SH3PXD2A: variants seen among roughly 807,000 people sequenced by gnomAD.
The protein encoded by SH3PXD2A is SH3 and PX domains 2A.
SH3PXD2A carries 32 observed loss-of-function variants against 115.2 expected under a neutral mutation model. That is an observed-to-expected ratio of 0.28 (90% CI 0.21 to 0.37). The LOEUF is 0.37. Among genes scored for constraint, SH3PXD2A ranks in the 10% least tolerant of loss-of-function variants. SH3PXD2A has a pLI of 1.00. For missense variants in SH3PXD2A, 1,328 were observed against 1,498.7 expected (o/e 0.89, Z 1.88); for synonymous variants, 610 against 629.1 (o/e 0.97, Z 0.45).
At chr10:103,774,667 T>A (rs2038861272) in intron 2 of SH3PXD2A, among the ~76,000 whole-genome samples, 1 of 152,224 alleles carries the variant, frequency 6.6e-6, no homozygotes, top group African/African-American at 2.4e-5. Context: ...TTGATTTTTG[T>A]TCTAGTAGCC....
At chr10:103,847,854 G>A (rs899934639) in intron 1 of SH3PXD2A, among the ~76,000 whole-genome samples, 26 of 152,072 alleles carry the variant, frequency 1.7e-4, no homozygotes, top group South Asian at 1.5e-3. Context: ...CACGAGAATC[G>A]CTTGAACCCG....
intron 5 of SH3PXD2A, among the ~76,000 whole-genome samples, chr10:103,701,408 ACCAT>A (rs1161784260): frequency 2.3e-5 from 3 of 132,362 alleles, no homozygotes; most frequent in African/African-American, 8.8e-5. Flanking sequence ...CCATCCATCC[ACCAT>A]CCATCCATCC....
chr10:103,720,849 C>T (rs571244831), intron 5 of SH3PXD2A, among the ~76,000 whole-genome samples: 1 of 152,284 alleles, frequency 6.6e-6, no homozygotes, highest in South Asian at 2.1e-4. Flanking sequence ...TGCAGGGGAA[C>T]ACAGGTCTCT....
At chr10:103,662,341 C>CGGGGGGGGG (rs1196791691) in intron 7 of SH3PXD2A, among the ~76,000 whole-genome samples, 3 of 10,626 alleles carry the variant, frequency 2.8e-4, no homozygotes, top group Admixed American at 1.7e-3. Flanking sequence ...CCATTATTGG[C>CGGGGGGGGG]GGGGGGGGGG....
At chr10:103,839,804 C>T (rs1407312462) in intron 1 of SH3PXD2A, among the ~76,000 whole-genome samples, 1 of 152,258 alleles carries the variant, frequency 6.6e-6, no homozygotes, top group African/African-American at 2.4e-5. Flanking sequence ...CCCAAAGTCA[C>T]CAACTAAGCA....
At chr10:103,661,439 T>C (rs1213225448) in intron 7 of SH3PXD2A, among the ~76,000 whole-genome samples, 2 of 152,086 alleles carry the variant, frequency 1.3e-5, no homozygotes, top group Non-Finnish European at 2.9e-5. Context: ...TGTGCTGCGA[T>C]GAGTTAGTCA....
intron 6 of SH3PXD2A, among the ~76,000 whole-genome samples, chr10:103,675,989 A>G (rs927054258): frequency 3.0e-4 from 45 of 152,004 alleles, no homozygotes; most frequent in Middle Eastern, 3.4e-3. Context: ...CAGTGAGCCG[A>G]GATCGCGCCA....
At chr10:103,603,811 G>A (rs756089011) in intron 14 of SH3PXD2A, 22 bp from the exon 15 acceptor site, 1 of 1,586,136 alleles carries the variant, frequency 6.3e-7, no homozygotes, top group Admixed American at 1.7e-5. Flanking sequence ...GTGCAGACAA[G>A]CCAGTGAGTT....
chr10:103,605,200 A>T (rs1230708059), intron 14 of SH3PXD2A, among the ~76,000 whole-genome samples: 2 of 152,128 alleles, frequency 1.3e-5, no homozygotes, highest in Non-Finnish European at 2.9e-5. Context: ...GAGAGAAGTG[A>T]CTGCATCAAA....
chr10:103,747,632 T>A (rs937741584), intron 3 of SH3PXD2A, among the ~76,000 whole-genome samples: 1 of 152,028 alleles, frequency 6.6e-6, no homozygotes, highest in Non-Finnish European at 1.5e-5. Context: ...GTCGCAGTGA[T>A]GATGCTGAAA....
Position 103,681,799 on chromosome 10 carries a change from G to C in SH3PXD2A, c.427+11229C>G. On this transcript the variant is annotated intron_variant, in intron 6 of 14. Transcript: ENST00000369774. ...ACACACACAAAATGCAGATCGGCCAGATGCGGTGGCTCATATCTATAATCC... is the reference window on the plus strand; with the variant it reads ...ACACACACAAAATGCAGATCGGCCACATGCGGTGGCTCATATCTATAATCC... Among the ~76,000 whole-genome samples the C allele has an allele frequency of 1.3e-5, 2 of 152,144 alleles. 1 individual carries two copies. Among genetic ancestry groups the C allele is most frequent in the Non-Finnish European group, 2.9e-5 (2 of 68,040 alleles).
chr10:103,725,690 G>C (rs968508992), intron 4 of SH3PXD2A, among the ~76,000 whole-genome samples: 2 of 152,084 alleles, frequency 1.3e-5, no homozygotes, highest in East Asian at 3.9e-4. Context: ...AGCCAGTGTG[G>C]TGGAGGGCGC....
At chr10:103,642,654 G>GA (rs2036972306) in intron 8 of SH3PXD2A, among the ~76,000 whole-genome samples, 1 of 152,132 alleles carries the variant, frequency 6.6e-6, no homozygotes, top group Non-Finnish European at 1.5e-5. Flanking sequence ...GTTGTGGGGA[G>GA]AAAAAGAAAA....
In SH3PXD2A at chr10:103,662,195, C is replaced by T. The variant is rs942667703; in HGVS notation, c.473-1081G>A. 4.6e-5 allele frequency among the ~76,000 whole-genome samples: 7 copies of T among 152,202 alleles called. No individual in the cohort carries two copies. In the East Asian group the frequency reaches 1.4e-3, roughly 29 times the overall value. ...AGGAGCAAGCAGCTTCTCTGTCCTC[C>T]TCAGCCACTGGACCAGCACGACATT... On this transcript the variant is annotated intron_variant, in intron 7 of 14. Transcript: ENST00000369774.
At chr10:103,781,639 C>A (rs898480760) in intron 2 of SH3PXD2A, among the ~76,000 whole-genome samples, 3 of 152,196 alleles carry the variant, frequency 2.0e-5, no homozygotes, top group African/African-American at 7.2e-5. Context: ...ATCCTTAGAT[C>A]CAATCAAGTC....
chr10:103,626,480 T>C (rs1235872782), intron 9 of SH3PXD2A, among the ~76,000 whole-genome samples: 1 of 151,808 alleles, frequency 6.6e-6, no homozygotes, highest in African/African-American at 2.4e-5. Context: ...CAGCCTGCTC[T>C]AGGGAGTACA....
intron 8 of SH3PXD2A, among the ~76,000 whole-genome samples, chr10:103,631,529 G>C (rs967269119): frequency 2.6e-5 from 4 of 152,178 alleles, no homozygotes; most frequent in African/African-American, 7.2e-5. Context: ...AACAGAGACA[G>C]TCCTTGCTGA....
rs868557005 is a variant in SH3PXD2A, at chr10:103,692,357, C to A, written c.427+671G>T. 1.7e-3 allele frequency among the ~76,000 whole-genome samples: 263 copies of A among 151,996 alleles called. 5 individuals carry two copies. The highest frequency in any genetic ancestry group is 1.8e-3 in the Non-Finnish European group (124 of 67,912). On this transcript the variant is annotated intron_variant, in intron 6 of 14. Coordinates refer to ENST00000369774, the MANE Select transcript of SH3PXD2A (RefSeq NM_001394015.1). ...CACCCCCTTCCAAACTCTGGGCGGG[C>A]CCTGGCACCTGTCAGGCCAATGCGG...
chr10:103,798,014 T>G (rs892301710), intron 2 of SH3PXD2A, among the ~76,000 whole-genome samples: 15 of 152,168 alleles, frequency 9.9e-5, no homozygotes, highest in South Asian at 2.1e-4. Flanking sequence ...GGGATCGCTT[T>G]GCACGTGGTT....
Sources: gnomAD v4.1 joint callset for allele counts (sites outside exome capture counted in the v4.1 genomes callset) on GRCh38, gnomAD v4.1.1 for gene constraint, MANE v1.5 for transcripts, NCBI Gene and HGNC (gene_info 2026-07-23, HGNC 2026-07-21) for gene names.